DPYD: variants seen among roughly 807,000 people sequenced by gnomAD.
DPYD encodes the protein dihydropyrimidine dehydrogenase [NADP(+)].
A neutral mutation model predicts 116.2 loss-of-function variants in DPYD; 109 were observed. The observed-to-expected ratio is 0.94, with a 90% CI of 0.80 to 1.10. The LOEUF (loss-of-function observed/expected upper bound fraction) is 1.10. Ranked by LOEUF, DPYD falls within the 50% of genes least tolerant of loss-of-function variation. DPYD has a pLI of 0.00. For missense variants in DPYD, 1,302 were observed against 1,254.5 expected (o/e 1.04, Z -0.57); for synonymous variants, 440 against 432.0 (o/e 1.02, Z -0.23).
Position 97,306,178 on chromosome 1 carries a change from T to C in DPYD, c.2178A>G (p.Glu726=). 6.2e-7 allele frequency: 1 copy of C among 1,612,440 alleles called. No homozygotes were observed. Among genetic ancestry groups the C allele is most frequent in the Non-Finnish European group, 8.5e-7 (1 of 1,178,802 alleles). ...AACTGATTCAAGTCAAGTTCTTACCTTCCTTTGCAGCTCTTGCGATGCTCA... is the reference window on the plus strand; with the variant it reads ...AACTGATTCAAGTCAAGTTCTTACCCTCCTTTGCAGCTCTTGCGATGCTCA... ...DIVSIARAAK[E]GGANGVTATN... The change falls in exon 17 of 23, where the codon GAA becomes GAG. Residue 726 remains glutamate (E), a splice_region_variant and synonymous_variant. Coordinates refer to ENST00000370192, the MANE Select transcript of DPYD (RefSeq NM_000110.4).
intron 18 of DPYD, among the ~76,000 whole-genome samples, chr1:97,237,399 A>G (rs1354611180): frequency 6.6e-6 from 1 of 152,146 alleles, no homozygotes; most frequent in Non-Finnish European, 1.5e-5. Flanking sequence ...CCACACCTCA[A>G]ACATCTTCCT....
intron 19 of DPYD, among the ~76,000 whole-genome samples, chr1:97,195,544 G>GAT: frequency 7.9e-6 from 1 of 127,012 alleles, no homozygotes; most frequent in African/African-American, 2.9e-5. Context: ...GAGAGAGAGA[G>GAT]AGAGAGAGAG....
Position 97,800,614 on chromosome 1 carries a change from CCTTT to C in DPYD, c.233+27496_233+27499del, listed in dbSNP as rs201538770. On this transcript the variant is annotated intron_variant, in intron 3 of 22. Transcript: ENST00000370192. ...CCATTCCTTCTTCCTCACCAGATAACCTTTCTTTCTACTTCTGTGACAAAACAAA... is the reference window on the plus strand; with the variant it reads ...CCATTCCTTCTTCCTCACCAGATAACCTTTCTACTTCTGTGACAAAACAAA... 1.4e-3 allele frequency among the ~76,000 whole-genome samples: 208 copies of C among 152,044 alleles called. No individual in the cohort carries two copies. The East Asian group carries it at 0.019, about 14-fold the overall frequency.
chr1:97,235,255 A>G (rs988711661), intron 18 of DPYD, among the ~76,000 whole-genome samples: 5 of 152,242 alleles, frequency 3.3e-5, no homozygotes, highest in Admixed American at 2.0e-4. Context: ...AGGTATAGCA[A>G]ACACAGAATT....
chr1:97,422,625 C>T (rs530969710), intron 14 of DPYD, among the ~76,000 whole-genome samples: 56 of 152,192 alleles, frequency 3.7e-4, no homozygotes, highest in African/African-American at 1.3e-3. Flanking sequence ...AACAAGGACC[C>T]TGAGCACATG....
intron 6 of DPYD, among the ~76,000 whole-genome samples, chr1:97,694,591 C>G (rs1042845175): frequency 4.6e-5 from 7 of 152,192 alleles, no homozygotes; most frequent in African/African-American, 1.7e-4. Flanking sequence ...AGCTTTGGTT[C>G]TTGCATCCCA....
chr1:97,195,738 T>TA (rs972417110), intron 19 of DPYD, among the ~76,000 whole-genome samples: 1 of 137,206 alleles, frequency 7.3e-6, no homozygotes, highest in Non-Finnish European at 1.6e-5. Context: ...GATGTGTACC[T>TA]AAAAAAATGC....
intron 16 of DPYD, among the ~76,000 whole-genome samples, chr1:97,311,757 A>T (rs902629707): frequency 2.0e-5 from 3 of 151,886 alleles, no homozygotes; most frequent in African/African-American, 7.2e-5. Flanking sequence ...AATGGAATAA[A>T]CACACTAGAG....
intron 20 of DPYD, among the ~76,000 whole-genome samples, chr1:97,121,674 C>T (rs577463171): frequency 6.6e-5 from 10 of 152,248 alleles, no homozygotes; most frequent in African/African-American, 2.4e-4. Flanking sequence ...AAGAGCTGAA[C>T]TTGGTACGGG....
At chr1:97,807,546 CTGTTA>C (rs1668132496) in intron 3 of DPYD, among the ~76,000 whole-genome samples, 2 of 151,854 alleles carry the variant, frequency 1.3e-5, no homozygotes, top group East Asian at 3.9e-4. Context: ...ATTTATTTAT[CTGTTA>C]TGTTTCTTTC....
At position 97,285,683 on chromosome 1, in the gene DPYD, A is replaced by ATT. The variant is rs113145453; in HGVS notation, c.2299+19574_2299+19575dup. On this transcript the variant is annotated intron_variant, in intron 18 of 22. Coordinates refer to ENST00000370192, the MANE Select transcript of DPYD (RefSeq NM_000110.4). Reference sequence around the variant, plus strand: ...AAGTCAACTTTTTATTGTTCCTTTAATTTTTTTTTTTTTTTTTTGAGACAG... The same window carrying ATT: ...AAGTCAACTTTTTATTGTTCCTTTAATTTTTTTTTTTTTTTTTTTTGAGACAG... Among the ~76,000 whole-genome samples the ATT allele has an allele frequency of 5.9e-3, 817 of 138,416 alleles. 4 individuals carry two copies. Among genetic ancestry groups the ATT allele is most frequent in the East Asian group, 0.011 (54 of 4,712 alleles). The allele number at this position is 138,416 out of a possible 152,430, so 90.8% of individuals were successfully genotyped here.
intron 8 of DPYD, among the ~76,000 whole-genome samples, chr1:97,658,046 A>AT (rs1221351390): frequency 6.6e-6 from 1 of 152,204 alleles, no homozygotes; most frequent in African/African-American, 2.4e-5. Flanking sequence ...GTTTCTGTTC[A>AT]TGAGTACTAG....
chr1:97,130,836 C>CTCCTTCCTTCCTTCCTTCCTTCCT (rs59350272), intron 20 of DPYD, among the ~76,000 whole-genome samples: 47 of 64,656 alleles, frequency 7.3e-4, no homozygotes, highest in East Asian at 2.2e-3. Context: ...TTTCTTCTTT[C>CTCCTTCCTTCCTTCCTTCCTTCCT]TCCTTCCTTC....
At chr1:97,640,456 T>C (rs1219604988) in intron 8 of DPYD, among the ~76,000 whole-genome samples, 1 of 151,958 alleles carries the variant, frequency 6.6e-6, no homozygotes, top group African/African-American at 2.4e-5. Context: ...TTAGAGGCAC[T>C]TGCTACCATG....
At chr1:97,425,951 TA>T (rs143283268) in intron 14 of DPYD, among the ~76,000 whole-genome samples, 15,962 of 144,218 alleles carry the variant, frequency 0.11, 1,213 homozygotes, top group African/African-American at 0.22. Flanking sequence ...AAGCAAACAT[TA>T]AAAAAAAAAA....
chr1:97,729,855 A>G (rs971406865), intron 4 of DPYD, among the ~76,000 whole-genome samples: 1 of 152,194 alleles, frequency 6.6e-6, no homozygotes, highest in Non-Finnish European at 1.5e-5. Flanking sequence ...CAAATATGTG[A>G]GAGCGCTTTT....
intron 8 of DPYD, among the ~76,000 whole-genome samples, chr1:97,669,277 T>C (rs1659732083): frequency 6.6e-6 from 1 of 152,170 alleles, no homozygotes; most frequent in African/African-American, 2.4e-5. Context: ...TCCACAGTAT[T>C]AATGCTTAAT....
chr1:97,613,169 A>G (rs140812678), intron 8 of DPYD, among the ~76,000 whole-genome samples: 1 of 151,968 alleles, frequency 6.6e-6, no homozygotes, highest in East Asian at 1.9e-4. Context: ...CCTTCCTGTA[A>G]CAGGCATTGT....
At chr1:97,805,772 G>A (rs1175008144) in intron 3 of DPYD, among the ~76,000 whole-genome samples, 1 of 151,710 alleles carries the variant, frequency 6.6e-6, no homozygotes, top group African/African-American at 2.4e-5. Context: ...AACGTTTAAT[G>A]ATCACCGGCA....
Sources: gnomAD v4.1 joint callset for allele counts (sites outside exome capture counted in the v4.1 genomes callset) on GRCh38, gnomAD v4.1.1 for gene constraint, MANE v1.5 for transcripts, NCBI Gene and HGNC (gene_info 2026-07-23, HGNC 2026-07-21) for gene names.